OR8D4: variants seen among roughly 807,000 people sequenced by gnomAD.
OR8D4 encodes olfactory receptor 8D4.
For missense variants in OR8D4, 359 were observed against 372.6 expected (o/e 0.96, Z 0.30); for synonymous variants, 141 against 134.8 (o/e 1.05, Z -0.32).
Position 123,907,281 on chromosome 11 carries a change from A to G in OR8D4, c.850A>G (p.Met284Val). 7 of 1,603,304 alleles carry G rather than the reference A, an allele frequency of 4.4e-6. No individual in the cohort carries two copies. The highest frequency in any genetic ancestry group is 6.0e-6 in the Non-Finnish European group (7 of 1,170,428). ...AGTATTTTATACCACTGTGATTCTCATGTTGAATCCCTTGATATATAGTCT... is the reference window on the plus strand; with the variant it reads ...AGTATTTTATACCACTGTGATTCTCGTGTTGAATCCCTTGATATATAGTCT... ...SSVFYTTVILMLNPLIYSLRN... is the reference protein window; with the variant it reads ...SSVFYTTVILVLNPLIYSLRN... The change falls in exon 2 of 2, where the codon ATG becomes GTG. Residue 284 changes from methionine (M) to valine (V), a missense_variant. Transcript: ENST00000641687.
chr11:123,903,352 TC>T (rs1450398809), intron 1 of OR8D4, among the ~76,000 whole-genome samples: 1 of 152,122 alleles, frequency 6.6e-6, no homozygotes, highest in Non-Finnish European at 1.5e-5. Context: ...ATGTATTTTA[TC>T]TTTTTATTCT....
At chr11:123,904,019 G>A (rs868007087) in intron 1 of OR8D4, among the ~76,000 whole-genome samples, 1 of 152,054 alleles carries the variant, frequency 6.6e-6, no homozygotes, top group South Asian at 2.1e-4. Context: ...GAAAATAACT[G>A]AAAATAGCGC....
chr11:123,905,739 G>A (rs1243914743), intron 1 of OR8D4, among the ~76,000 whole-genome samples: 2 of 152,122 alleles, frequency 1.3e-5, no homozygotes, highest in Non-Finnish European at 2.9e-5. Context: ...GTCCTAATTA[G>A]GGAAGGGGAG....
At chr11:123,906,132 C>T (rs888771724) in intron 1 of OR8D4, 1 of 279,232 alleles carries the variant, frequency 3.6e-6, no homozygotes, top group African/African-American at 2.2e-5. Flanking sequence ...TTCTCCACAA[C>T]AGAAATCCCC....
intron 1 of OR8D4, among the ~76,000 whole-genome samples, chr11:123,904,780 C>T (rs961808227): frequency 7.2e-5 from 11 of 152,112 alleles, no homozygotes; most frequent in Admixed American, 6.5e-4. Flanking sequence ...ACTCAAGCTG[C>T]CTACGGAAGT....
chr11:123,903,986 G>T (rs1243512330), intron 1 of OR8D4, among the ~76,000 whole-genome samples: 2 of 152,136 alleles, frequency 1.3e-5, no homozygotes, highest in Non-Finnish European at 2.9e-5. Context: ...CAAGAAAGAA[G>T]ATCGATGACT....
At position 123,907,176 on chromosome 11, in the gene OR8D4, C is replaced by T; in HGVS notation, c.745C>T (p.Leu249Phe). Residue 249 changes from leucine (L) to phenylalanine (F), a missense_variant, in exon 2 of 2, where the codon CTT becomes TTT. Transcript: ENST00000641687. ...CTGTAGCTCCCACCTGACAGCTGTT[C>T]TTATGTTTTATGGGTCTCTGATGTC... The part of the protein sequence containing the change: ...STCSSHLTAV[L>F]MFYGSLMSMY... The T allele has an allele frequency of 2.5e-6, 4 of 1,613,722 alleles. No individual in the cohort carries two copies. The highest frequency in any genetic ancestry group is 3.4e-6 in the Non-Finnish European group (4 of 1,179,788).
At position 123,907,226 on chromosome 11, in the gene OR8D4, C is replaced by T. The variant is rs1378722164; in HGVS notation, c.795C>T (p.Ser265=). 2 of 1,613,724 alleles carry T rather than the reference C, an allele frequency of 1.2e-6. No individual in the cohort carries two copies. The highest frequency in any genetic ancestry group is 1.7e-5 in the Admixed American group (1 of 60,004). Residue 265 remains serine, a synonymous_variant, in exon 2 of 2, where the codon AGC becomes AGT. Coordinates refer to ENST00000641687, the MANE Select transcript of OR8D4 (RefSeq NM_001005197.2). ...CCATGTATCTCAAACCTGCTTCTAGCAGTTCACTCACCCAGGAGAAAGTAT... is the reference window on the plus strand; with the variant it reads ...CCATGTATCTCAAACCTGCTTCTAGTAGTTCACTCACCCAGGAGAAAGTAT... ...LMSMYLKPAS[S]SSLTQEKVSS...
chr11:123,902,463 GAATT>G (rs1214680361), intron 1 of OR8D4, among the ~76,000 whole-genome samples: 1 of 151,976 alleles, frequency 6.6e-6, no homozygotes, highest in African/African-American at 2.4e-5. Flanking sequence ...TCTAATATAT[GAATT>G]AATCTGTGAA....
Position 123,906,065 on chromosome 11 carries a change from C to G in OR8D4, c.-15-352C>G, listed in dbSNP as rs148425723. ...TATTTTCCTACTTTCTCTAATTAGT[C>G]TGTCTTCCTTTACCTACAACTGTCT... On this transcript the variant is annotated intron_variant, in intron 1 of 1. Coordinates refer to ENST00000641687, the MANE Select transcript of OR8D4 (RefSeq NM_001005197.2). The G allele has an allele frequency of 3.2e-5, 6 of 190,184 alleles. No homozygotes were observed. In the East Asian group the frequency reaches 8.4e-4, roughly 27 times the overall value. 11.8% of individuals were successfully genotyped at this position (190,184 alleles called of 1,614,324 possible). A position where few individuals can be genotyped will look rare whatever the true frequency, so the allele number is the denominator to read the frequency against.
rs1220781631 is a variant in OR8D4, at chr11:123,908,076, G to T, written c.*700G>T. ...CAACAATTTTGTAATAACTGTGGGA[G>T]AATTTTTCTTGATTGTTTCTTATAA... On this transcript the variant is annotated 3_prime_UTR_variant, in exon 2 of 2. Transcript: ENST00000641687. 1 of 152,084 alleles carries T rather than the reference G, an allele frequency of 6.6e-6. No individual in the cohort carries two copies. Among genetic ancestry groups the T allele is most frequent in the Non-Finnish European group, 1.5e-5 (1 of 68,002 alleles). 9.4% of individuals were successfully genotyped at this position (152,084 alleles called of 1,614,324 possible). A position where few individuals can be genotyped will look rare whatever the true frequency, so the allele number is the denominator to read the frequency against.
chr11:123,903,266 T>G (rs1403296921), intron 1 of OR8D4, among the ~76,000 whole-genome samples: 2 of 152,154 alleles, frequency 1.3e-5, no homozygotes, highest in Non-Finnish European at 2.9e-5. Context: ...GGGATTTTGG[T>G]ATCTGAAGGG....
chr11:123,903,293 C>A (rs973877345), intron 1 of OR8D4, among the ~76,000 whole-genome samples: 3 of 152,006 alleles, frequency 2.0e-5, no homozygotes, highest in African/African-American at 7.2e-5. Context: ...GAACCAGTCT[C>A]CTATGGATAT....
intron 1 of OR8D4, among the ~76,000 whole-genome samples, chr11:123,902,623 A>G (rs1354470502): frequency 6.6e-6 from 1 of 152,198 alleles, no homozygotes; most frequent in Non-Finnish European, 1.5e-5. Flanking sequence ...TATGAAGTTC[A>G]GAGAGACTTT....
At position 123,907,334 on chromosome 11, in the gene OR8D4, G is replaced by T; in HGVS notation, c.903G>T (p.Leu301=). Residue 301 remains leucine (L), a synonymous_variant, in exon 2 of 2, where the codon CTG becomes CTT. Transcript: ENST00000641687. ...SLRNNEVRNA[L]MKLLRRKISL... ...GGAACAATGAAGTAAGAAATGCTCT[G>T]ATGAAACTTTTAAGAAGAAAAATAT... is the stretch of plus-strand genomic sequence containing the variant. 1 of 1,498,522 alleles carries T rather than the reference G, an allele frequency of 6.7e-7. No individual in the cohort carries two copies. The highest frequency in any genetic ancestry group is 9.1e-7 in the Non-Finnish European group (1 of 1,093,864). The allele number at this position is 1,498,522 out of a possible 1,614,324, so 92.8% of individuals were successfully genotyped here.
intron 1 of OR8D4, among the ~76,000 whole-genome samples, chr11:123,904,857 CA>C (rs1464843084): frequency 3.3e-5 from 5 of 152,108 alleles, no homozygotes; most frequent in Non-Finnish European, 7.4e-5. Flanking sequence ...ATTAAATAGC[CA>C]GGTAGCTGGG....
At chr11:123,903,707 G>A (rs1319630680) in intron 1 of OR8D4, among the ~76,000 whole-genome samples, 1 of 152,030 alleles carries the variant, frequency 6.6e-6, no homozygotes. Context: ...CTTTTGTGTG[G>A]ACTAAGATGG....
chr11:123,906,166 TC>T (rs1342451495), intron 1 of OR8D4: 1 of 375,294 alleles, frequency 2.7e-6, no homozygotes, highest in African/African-American at 2.1e-5. Context: ...TAGTTTTGTC[TC>T]TAACTCTGGA....
chr11:123,907,224 A>G lies in OR8D4; in HGVS notation c.793A>G (p.Ser265Gly). 1.9e-6 allele frequency: 3 copies of G among 1,613,832 alleles called. No homozygotes were observed. The highest frequency in any genetic ancestry group is 2.5e-6 in the Non-Finnish European group (3 of 1,179,804). Reference protein sequence around the residue: ...LMSMYLKPASSSSLTQEKVSS... With the variant: ...LMSMYLKPASGSSLTQEKVSS... ...GTCCATGTATCTCAAACCTGCTTCT[A>G]GCAGTTCACTCACCCAGGAGAAAGT... The change falls in exon 2 of 2, where the codon AGC (serine) becomes GGC (glycine). Residue 265 changes from serine (S) to glycine (G), a missense_variant. Transcript: ENST00000641687.
Sources: gnomAD v4.1 joint callset for allele counts (sites outside exome capture counted in the v4.1 genomes callset) on GRCh38, gnomAD v4.1.1 for gene constraint, MANE v1.5 for transcripts, NCBI Gene and HGNC (gene_info 2026-07-23, HGNC 2026-07-21) for gene names.